The following MMP10 variants were observed in gnomAD, a reference collection of about 807,000 sequenced individuals.
MMP10 encodes the protein matrix metallopeptidase 10.
A neutral mutation model predicts 49.1 loss-of-function variants in MMP10; 50 were observed. The ratio of observed to expected loss-of-function variants is 1.02; its 90% confidence interval spans 0.81 to 1.29. The LOEUF (loss-of-function observed/expected upper bound fraction) is 1.29, where lower values mean the gene tolerates loss of function less well. Among genes scored for constraint, MMP10 ranks in the 50% most tolerant of loss-of-function variants. The pLI, the probability that MMP10 is intolerant of heterozygous loss-of-function variation, is 0.00. For missense variants in MMP10, 613 were observed against 563.8 expected (o/e 1.09, Z -0.88); for synonymous variants, 229 against 201.6 (o/e 1.14, Z -1.15).
In MMP10 at chr11:102,776,267, T is replaced by G; in HGVS notation, c.932+13A>C. ...AAAAGAATAGATAGGAAAATATAAT[T>G]TTCTGGTCTGACCTGTCTTTAAAGA... On this transcript the variant is annotated intron_variant, in intron 6 of 9. Transcript: ENST00000279441. 1.2e-6 allele frequency: 2 copies of G among 1,603,588 alleles called. No individual in the cohort carries two copies. Among genetic ancestry groups the G allele is most frequent in the East Asian group, 2.2e-5 (1 of 44,752 alleles).
intron 5 of MMP10, 32 bp from the exon 6 acceptor site, chr11:102,776,456 T>TA (rs201664379): frequency 1.0e-3 from 1,582 of 1,514,260 alleles, no homozygotes; most frequent in South Asian, 2.3e-3. Context: ...ATGCAAACAT[T>TA]AAAAAAAAAT....
In MMP10 at chr11:102,779,631, C is replaced by A; in HGVS notation, c.220G>T (p.Val74Leu). The A allele has an allele frequency of 6.2e-7, 1 of 1,614,046 alleles. No individual in the cohort carries two copies. The highest frequency in any genetic ancestry group is 8.5e-7 in the Non-Finnish European group (1 of 1,180,012). ...QGMQKFLGLE[V>L]TGKLDTDTLE... ...GTGTCAGTGTCTAGCTTCCCTGTCA[C>A]CTCCAACCCAAGGAACTTCTGCATT... Residue 74 changes from valine (V) to leucine (L), a missense_variant, in exon 2 of 10, where the codon GTG becomes TTG. Transcript: ENST00000279441.
rs374155678 is a variant in MMP10, at chr11:102,776,613, G to A, written c.786C>T (p.Tyr262=). 1.1e-5 allele frequency: 17 copies of A among 1,612,604 alleles called. No homozygotes were observed. The African/African-American group carries it at 1.2e-4, about 11-fold the overall frequency. The change falls in exon 5 of 10, where the codon TAC becomes TAT. Residue 262 remains tyrosine (Y), a splice_region_variant and synonymous_variant. Transcript: ENST00000279441. The part of the protein sequence containing the change: ...QDDVNGIQSL[Y]GPPPASTEEP... ...CCTAATTTTTCCAGCATCACTCACC[G>A]TAGAGAGACTGAATGCCATTCACAT...
chr11:102,780,463 G>A (rs367596874), intron 1 of MMP10, 24 bp downstream of exon 1: 11 of 1,600,316 alleles, frequency 6.9e-6, no homozygotes, highest in Non-Finnish European at 9.4e-6. Flanking sequence ...GCCAGTAGCT[G>A]CAATAGATGC....
rs1861980042 is a variant in MMP10 at position 102,771,960 on chromosome 11, C to A, written c.1330+52G>T. 4 of 1,126,332 alleles carry A rather than the reference C, an allele frequency of 3.6e-6. No individual in the cohort carries two copies. In the East Asian group the frequency reaches 9.6e-5, roughly 27 times the overall value. 69.8% of individuals were successfully genotyped at this position (1,126,332 alleles called of 1,614,324 possible). ...TTGATTCTGCACTTTATTTTGAAAT[C>A]ATAAAAATGCCTGGAGATTCCTGCA... On this transcript the variant is annotated intron_variant, in intron 9 of 9. Transcript: ENST00000279441.
At chr11:102,777,276 C>G (rs535016672) in intron 4 of MMP10, among the ~76,000 whole-genome samples, 52 of 152,162 alleles carry the variant, frequency 3.4e-4, no homozygotes, top group Admixed American at 3.9e-4. Context: ...ATTTTCTCTT[C>G]CTCCTCTTCA....
chr11:102,772,607 C>T lies in MMP10; in HGVS notation c.1226+240G>A, dbSNP rs1012293203. Among the ~76,000 whole-genome samples, 12 of 152,158 alleles carry T rather than the reference C, an allele frequency of 7.9e-5. No homozygotes were observed. The highest frequency in any genetic ancestry group is 2.9e-4 in the African/African-American group (12 of 41,434). ...TGGAAATGGAATAAGAGGTGAATGCCTTTGGACCTCAGCTGGCCTCTCCTG... is the reference window on the plus strand; with the variant it reads ...TGGAAATGGAATAAGAGGTGAATGCTTTTGGACCTCAGCTGGCCTCTCCTG... On this transcript the variant is annotated intron_variant, in intron 8 of 9. Transcript: ENST00000279441. The surrounding 1 kb of genome is among the most constrained non-coding windows in gnomAD (Gnocchi z 4.4).
intron 3 of MMP10, 38 bp downstream of exon 3, chr11:102,779,175 A>C: frequency 1.2e-6 from 2 of 1,609,660 alleles, no homozygotes; most frequent in African/African-American, 1.3e-5. Flanking sequence ...GTCTGAACAG[A>C]TGAATACACC....
chr11:102,771,838 C>T (rs1168713062), intron 9 of MMP10, among the ~76,000 whole-genome samples, 174 bp downstream of exon 9: 3 of 151,932 alleles, frequency 2.0e-5, no homozygotes, highest in Non-Finnish European at 4.4e-5. Context: ...CACACACACA[C>T]ACACAAATTT....
intron 1 of MMP10, 103 bp downstream of exon 1, chr11:102,780,384 C>T: frequency 1.1e-6 from 1 of 887,614 alleles, no homozygotes; most frequent in Non-Finnish European, 1.8e-6. Context: ...CTACAGTTTT[C>T]TAACAAAGTG....
Position 102,779,501 on chromosome 11 carries a change from T to C in MMP10, c.347+3A>G. The stretch of plus-strand genomic sequence containing the variant: ...TTATGTGAAAACTAATCTGAACCAT[T>C]ACCTGTATGTAAGGTGGGTTTTCCT... On this transcript the variant is annotated splice_donor_region_variant and intron_variant, in intron 2 of 9. Coordinates refer to ENST00000279441, the MANE Select transcript of MMP10 (RefSeq NM_002425.3). 1 of 1,614,050 alleles carries C rather than the reference T, an allele frequency of 6.2e-7. No individual in the cohort carries two copies. The highest frequency in any genetic ancestry group is 8.5e-7 in the Non-Finnish European group (1 of 1,179,972).
chr11:102,775,046 G>A (rs189584365), intron 7 of MMP10, 142 bp downstream of exon 7: 818 of 575,072 alleles, frequency 1.4e-3, no homozygotes, highest in Non-Finnish European at 1.9e-3. Context: ...AGTTTATAAT[G>A]TTCTTTGTAC....
intron 6 of MMP10, among the ~76,000 whole-genome samples, chr11:102,776,023 A>C (rs1364664376): frequency 6.6e-6 from 1 of 152,080 alleles, no homozygotes; most frequent in Non-Finnish European, 1.5e-5. Context: ...GAATGATTTT[A>C]AAATGTAGAG....
intron 1 of MMP10, 133 bp from the exon 2 acceptor site, chr11:102,779,878 A>T (rs1312081091): frequency 2.0e-6 from 2 of 1,022,334 alleles, no homozygotes; most frequent in East Asian, 5.1e-5. Context: ...TTTTTCATTA[A>T]GACTCCCCAT....
Position 102,770,528 on chromosome 11 carries a change from T to G in MMP10, c.*265A>C. Reference sequence around the variant, plus strand: ...AAGGAACAGGCCCAAAATAAAACTTTTTATTGAGGAAGTAATAACACATCT... The same window carrying G: ...AAGGAACAGGCCCAAAATAAAACTTGTTATTGAGGAAGTAATAACACATCT... On this transcript the variant is annotated 3_prime_UTR_variant, in exon 10 of 10. Coordinates refer to ENST00000279441, the MANE Select transcript of MMP10 (RefSeq NM_002425.3). The G allele has an allele frequency of 3.0e-6, 1 of 334,502 alleles. No homozygotes were observed. The highest frequency in any genetic ancestry group is 5.4e-6 in the Non-Finnish European group (1 of 185,676). The allele number at this position is 334,502 out of a possible 1,614,324, so 20.7% of individuals were successfully genotyped here.
intron 7 of MMP10, among the ~76,000 whole-genome samples, chr11:102,773,233 T>A (rs1006962027): frequency 3.3e-5 from 5 of 152,232 alleles, no homozygotes; most frequent in South Asian, 2.1e-4. Context: ...CTTATATATT[T>A]GTATCTATAT....
intron 4 of MMP10, among the ~76,000 whole-genome samples, chr11:102,777,824 G>A (rs945296592): frequency 3.9e-5 from 6 of 151,994 alleles, no homozygotes; most frequent in East Asian, 1.9e-4. Flanking sequence ...CTTCAGTCTC[G>A]TGAGACAGAG....
In MMP10 at chr11:102,772,774, G is replaced by GTCGCC; in HGVS notation, c.1226+72_1226+73insGGCGA. The GTCGCC allele has an allele frequency of 6.7e-7, 1 of 1,491,380 alleles. No individual in the cohort carries two copies. Among genetic ancestry groups the GTCGCC allele is most frequent in the Non-Finnish European group, 9.1e-7 (1 of 1,101,180 alleles). 92.4% of individuals were successfully genotyped at this position (1,491,380 alleles called of 1,614,324 possible). The stretch of plus-strand genomic sequence containing the variant: ...AAGTTAGAGGGTGGGTGTAGGGTAG[G>GTCGCC]GAAATATCCTTAAAGAAAGAAAATA... On this transcript the variant is annotated intron_variant, in intron 8 of 9. Transcript: ENST00000279441. The surrounding 1 kb of genome is among the most constrained non-coding windows in gnomAD (Gnocchi z 4.4).
chr11:102,779,614 G>A lies in MMP10; in HGVS notation c.237C>T (p.Asp79=). The change falls in exon 2 of 10, where the codon GAC becomes GAT. Residue 79 remains aspartate (D), a synonymous_variant. Coordinates refer to ENST00000279441, the MANE Select transcript of MMP10 (RefSeq NM_002425.3). ...FLGLEVTGKL[D]TDTLEVMRKP... Reference sequence around the variant, plus strand: ...TGCGCATCACCTCCAGAGTGTCAGTGTCTAGCTTCCCTGTCACCTCCAACC... The same window carrying A: ...TGCGCATCACCTCCAGAGTGTCAGTATCTAGCTTCCCTGTCACCTCCAACC... 1 of 1,614,024 alleles carries A rather than the reference G, an allele frequency of 6.2e-7. No individual in the cohort carries two copies. The highest frequency in any genetic ancestry group is 8.5e-7 in the Non-Finnish European group (1 of 1,179,998).
Sources: allele counts gnomAD v4.1 joint callset (sites outside exome capture counted in the v4.1 genomes callset), GRCh38; gene constraint gnomAD v4.1.1; non-coding constraint Gnocchi (gnomAD v3.1); transcripts MANE v1.5; gene names NCBI Gene and HGNC (gene_info 2026-07-23, HGNC 2026-07-21).